DPY19L3: variants seen among roughly 807,000 people sequenced by gnomAD.
The protein encoded by DPY19L3 is protein C-mannosyl-transferase DPY19L3.
DPY19L3 carries 51 observed loss-of-function variants against 92.3 expected under a neutral mutation model. The ratio of observed to expected loss-of-function variants is 0.55; its 90% confidence interval spans 0.44 to 0.70. DPY19L3 has a LOEUF of 0.70. DPY19L3 is among the 30% of genes least tolerant of loss of function. The pLI, the probability that DPY19L3 is intolerant of heterozygous loss-of-function variation, is 0.00. For missense variants in DPY19L3, 706 were observed against 855.9 expected, an observed-to-expected ratio of 0.82 and a Z score of 2.18; for synonymous variants, 309 against 315.2, an observed-to-expected ratio of 0.98 and a Z score of 0.21.
intron 3 of DPY19L3, among the ~76,000 whole-genome samples, chr19:32,420,026 AT>A (rs1272660456): frequency 6.6e-6 from 1 of 150,714 alleles, no homozygotes; most frequent in East Asian, 2.0e-4. Context: ...CGCCCGGCTA[AT>A]TTTTGTATTT....
chr19:32,474,869 A>C (rs1457923850), intron 16 of DPY19L3, among the ~76,000 whole-genome samples: 1 of 152,182 alleles, frequency 6.6e-6, no homozygotes, highest in Non-Finnish European at 1.5e-5. Flanking sequence ...GATTACAGAC[A>C]TGAGCCACCA....
chr19:32,412,797 A>T (rs754653535), intron 3 of DPY19L3: 1 of 152,064 alleles, frequency 6.6e-6, no homozygotes, highest in Non-Finnish European at 1.5e-5. Context: ...GGGCATGGTG[A>T]CACACACCTG....
chr19:32,440,013 C>T, intron 8 of DPY19L3, 103 bp downstream of exon 8: 2 of 1,464,148 alleles, frequency 1.4e-6, no homozygotes, highest in Non-Finnish European at 1.8e-6. Context: ...AAAATTGAAG[C>T]TGTTTCTTAG....
chr19:32,436,021 C>T (rs1402934080), intron 4 of DPY19L3, among the ~76,000 whole-genome samples: 1 of 152,258 alleles, frequency 6.6e-6, no homozygotes, highest in African/African-American at 2.4e-5. Context: ...TCAGCTATGG[C>T]TTACATCCAC....
chr19:32,474,548 G>T (rs912408056), intron 16 of DPY19L3, among the ~76,000 whole-genome samples: 3 of 152,222 alleles, frequency 2.0e-5, no homozygotes, highest in Non-Finnish European at 2.9e-5. Context: ...TACAGCACTG[G>T]GTTATTTTGA....
intron 1 of DPY19L3, among the ~76,000 whole-genome samples, chr19:32,407,841 C>G (rs902899251): frequency 1.6e-4 from 25 of 152,170 alleles, no homozygotes; most frequent in African/African-American, 4.8e-4. Context: ...TCATGTAATC[C>G]TAGCACTTTG....
Position 32,411,280 on chromosome 19 carries a change from A to G in DPY19L3, c.145A>G (p.Ile49Val), listed in dbSNP as rs753783167. 29 of 1,613,152 alleles carry G rather than the reference A, an allele frequency of 1.8e-5. No homozygotes were observed. Among genetic ancestry groups the G allele is most frequent in the African/African-American group, 1.5e-4 (11 of 74,916 alleles). ...RRLWKILSLT[I>V]GGTIALCIGL... ...ATTATGGAAGATTTTGTCATTGACAATTGGTGGAACCATTGCCCTTTGCAT... is the reference window on the plus strand; with the variant it reads ...ATTATGGAAGATTTTGTCATTGACAGTTGGTGGAACCATTGCCCTTTGCAT... The change falls in exon 3 of 19, where the codon ATT becomes GTT. Residue 49 changes from isoleucine to valine, a missense_variant. By Grantham distance (29) the Ile-to-Val change is conservative (BLOSUM62 3). Transcript: ENST00000392250.
At chr19:32,457,006 T>A (rs978892819) in intron 10 of DPY19L3, among the ~76,000 whole-genome samples, 1 of 151,972 alleles carries the variant, frequency 6.6e-6, no homozygotes, top group Non-Finnish European at 1.5e-5. Context: ...ACTAAAAAAA[T>A]TTTTTTCAAA....
At chr19:32,469,871 C>G (rs557738040) in intron 16 of DPY19L3, among the ~76,000 whole-genome samples, 2 of 152,384 alleles carry the variant, frequency 1.3e-5, no homozygotes, top group East Asian at 3.9e-4. Context: ...TATTTCCCTA[C>G]TTTTAACCAG....
intron 6 of DPY19L3, among the ~76,000 whole-genome samples, chr19:32,438,573 T>A (rs1009649451): frequency 2.0e-5 from 3 of 152,188 alleles, no homozygotes; most frequent in Non-Finnish European, 4.4e-5. Flanking sequence ...ACACGTATAT[T>A]ATGTGTTACA....
chr19:32,415,927 G>A (rs1968363239), intron 3 of DPY19L3, among the ~76,000 whole-genome samples: 1 of 152,220 alleles, frequency 6.6e-6, no homozygotes, highest in African/African-American at 2.4e-5. Flanking sequence ...CGACCACTTT[G>A]AGGACATGTA....
At chr19:32,465,883 A>G (rs1248318357) in intron 15 of DPY19L3, among the ~76,000 whole-genome samples, 1 of 152,242 alleles carries the variant, frequency 6.6e-6, no homozygotes, top group Non-Finnish European at 1.5e-5. Context: ...TAATGCGAAT[A>G]ACTGAAACTT....
At chr19:32,450,697 G>A (rs55917763) in intron 8 of DPY19L3, among the ~76,000 whole-genome samples, 83,851 of 151,896 alleles carry the variant, frequency 0.55, 23,598 homozygotes, top group East Asian at 0.63. Context: ...AGTGGTTGCC[G>A]GAGCTGGGGG....
At chr19:32,476,821 G>A (rs1005525884) in intron 16 of DPY19L3, among the ~76,000 whole-genome samples, 1 of 152,146 alleles carries the variant, frequency 6.6e-6, no homozygotes, top group Non-Finnish European at 1.5e-5. Context: ...AGAAGTATTT[G>A]TGTATCCCCC....
intron 3 of DPY19L3, 143 bp downstream of exon 3, chr19:32,411,515 T>C (rs1296941450): frequency 1.5e-6 from 1 of 645,590 alleles, no homozygotes; most frequent in Non-Finnish European, 2.5e-6. Flanking sequence ...GAAATAACTT[T>C]TGTGTTTATT....
chr19:32,438,341 A>G (rs1969212943), intron 6 of DPY19L3, among the ~76,000 whole-genome samples: 1 of 152,170 alleles, frequency 6.6e-6, no homozygotes, highest in Non-Finnish European at 1.5e-5. Flanking sequence ...CCTATAGAGT[A>G]GATATTATTA....
intron 9 of DPY19L3, among the ~76,000 whole-genome samples, chr19:32,454,258 G>A (rs760012669): frequency 5.3e-5 from 8 of 152,052 alleles, no homozygotes; most frequent in African/African-American, 7.2e-5. Flanking sequence ...AACTATGCCC[G>A]TGGTGTAGGA....
chr19:32,468,561 C>T, intron 15 of DPY19L3, 170 bp from the exon 16 acceptor site: 21 of 1,270,024 alleles, frequency 1.7e-5, no homozygotes, highest in Non-Finnish European at 2.0e-5. Context: ...GGCGCTAGTT[C>T]CCTTGTATTA....
intron 7 of DPY19L3, 145 bp downstream of exon 7, chr19:32,439,380 CT>C: frequency 1.1e-6 from 1 of 888,018 alleles, no homozygotes; most frequent in African/African-American, 1.7e-5. Context: ...ATTAAGTTTT[CT>C]TTTCGTGAGC....
Sources: allele counts gnomAD v4.1 joint callset (sites outside exome capture counted in the v4.1 genomes callset), GRCh38; gene constraint gnomAD v4.1.1; transcripts MANE v1.5; gene names NCBI Gene and HGNC (gene_info 2026-07-23, HGNC 2026-07-21).